The following ADGRE1 variants were observed in gnomAD, a reference collection of about 807,000 sequenced individuals.
ADGRE1 encodes the protein EGF-like module receptor 1.
Under a neutral mutation model 102.7 loss-of-function variants are expected in ADGRE1, and 82 were observed. The ratio of observed to expected loss-of-function variants is 0.80; its 90% CI spans 0.67 to 0.96. The LOEUF (loss-of-function observed/expected upper bound fraction) is 0.96. Ranked by LOEUF, ADGRE1 falls within the 40% of genes least tolerant of loss-of-function variation. The pLI is 0.00. For synonymous variants in ADGRE1, 398 were observed against 399.6 expected (o/e 1.00, Z 0.05); for missense variants, 1,032 against 1,085.3 (o/e 0.95, Z 0.69).
In ADGRE1 at chr19:6,890,943, C is replaced by A. The variant is rs534355588; in HGVS notation, c.94+400C>A. Reference sequence around the variant, plus strand: ...TCAATGTGCAAAAAAAAAGTGACTTCTTTATGTTTTGTTAAATACTCTCAT... The same window carrying A: ...TCAATGTGCAAAAAAAAAGTGACTTATTTATGTTTTGTTAAATACTCTCAT... On this transcript the variant is annotated intron_variant, in intron 2 of 20. Transcript: ENST00000312053. Among the ~76,000 whole-genome samples the A allele has an allele frequency of 6.6e-4, 100 of 152,222 alleles. 5 individuals are homozygous for A. The South Asian group carries it at 0.019, about 29-fold the overall frequency.
In ADGRE1 at chr19:6,925,647, C is replaced by T. The variant is rs147512858; in HGVS notation, c.1987-719C>T. 2.0e-3 allele frequency among the ~76,000 whole-genome samples: 306 copies of T among 152,202 alleles called. 2 individuals are homozygous for T. The highest frequency in any genetic ancestry group is 0.01 in the Admixed American group (158 of 15,272). On this transcript the variant is annotated intron_variant, in intron 15 of 20. Transcript: ENST00000312053. The stretch of plus-strand genomic sequence containing the variant: ...AATAATGTTACAGATGTCGATAATG[C>T]TACAGTTTAGAATCTCTACTTCCCT...
In ADGRE1 at chr19:6,937,624, C is replaced by T. The variant is rs1568367979; in HGVS notation, c.2631C>T (p.Ser877=). Residue 877 remains serine (S), a synonymous_variant, in exon 20 of 21, where the codon TCC becomes TCT. Coordinates refer to ENST00000312053, the MANE Select transcript of ADGRE1 (RefSeq NM_001974.5). ...CCCAGACCTCAAGGATCTTGCTGTC[C>T]TCCATGCCATCCGCTTCCAAGACGG... ...SQSQTSRILL[S]SMPSASKTG The T allele has an allele frequency of 2.5e-6, 4 of 1,613,990 alleles. No homozygotes were observed. Among genetic ancestry groups the T allele is most frequent in the Non-Finnish European group, 2.5e-6 (3 of 1,180,022 alleles).
chr19:6,913,475 C>G (rs1455159126), intron 10 of ADGRE1, among the ~76,000 whole-genome samples, 178 bp from the exon 11 acceptor site: 2 of 152,106 alleles, frequency 1.3e-5, no homozygotes, highest in African/African-American at 4.8e-5. Flanking sequence ...CCACTGCACC[C>G]GGCCTGAATT....
At position 6,898,528 on chromosome 19, in the gene ADGRE1, A is replaced by AT. The variant is rs1405305071; in HGVS notation, c.514+984dup. On this transcript the variant is annotated intron_variant, in intron 5 of 20. Transcript: ENST00000312053. ...ATCTATCAGTGGGGTGAGTTCATGT[A>AT]TTTCTGAACTGAGGCACCCAATTTC... 2.6e-6 allele frequency: 4 copies of AT among 1,548,890 alleles called. No homozygotes were observed. In the African/African-American group the frequency reaches 4.1e-5, roughly 16 times the overall value.
In ADGRE1 at chr19:6,906,486, C is replaced by A. The variant is rs759451107; in HGVS notation, c.1003C>A (p.Gln335Lys). The change falls in exon 9 of 21, where the codon CAA becomes AAA. Residue 335 changes from glutamine to lysine, a missense_variant. Transcript: ENST00000312053. ...DVIPDNKQIQQCQEGTAVKPA... is the reference protein window; with the variant it reads ...DVIPDNKQIQKCQEGTAVKPA... ...GATACCCGATAATAAGCAGATCCAG[C>A]AATGCCAAGAGGGAACCGCAGTGAA... 15 of 1,613,702 alleles carry A rather than the reference C, an allele frequency of 9.3e-6. No homozygotes were observed. The highest frequency in any genetic ancestry group is 6.7e-5 in the Admixed American group (4 of 59,994).
chr19:6,918,389 C>A (rs901710747), intron 12 of ADGRE1, among the ~76,000 whole-genome samples: 2 of 151,782 alleles, frequency 1.3e-5, no homozygotes, highest in Non-Finnish European at 2.9e-5. Context: ...TGCAGTGAGC[C>A]GAGAACCTGC....
Position 6,929,728 on chromosome 19 carries a change from C to A in ADGRE1, c.2289+1517C>A, listed in dbSNP as rs539467075. Among the ~76,000 whole-genome samples the A allele has an allele frequency of 2.3e-3, 349 of 152,226 alleles. 2 individuals carry two copies. The highest frequency in any genetic ancestry group is 8.0e-3 in the African/African-American group (333 of 41,548). On this transcript the variant is annotated intron_variant, in intron 17 of 20. Transcript: ENST00000312053. ...TAGAGATGGGTTTTCACCACGTTGGCCAAGCTGGTCTCAAACTCCTGACCT... is the reference window on the plus strand; with the variant it reads ...TAGAGATGGGTTTTCACCACGTTGGACAAGCTGGTCTCAAACTCCTGACCT...
chr19:6,929,193 G>C (rs1204769917), intron 17 of ADGRE1, among the ~76,000 whole-genome samples: 1 of 152,140 alleles, frequency 6.6e-6, no homozygotes, highest in Non-Finnish European at 1.5e-5. Flanking sequence ...CACACAAGGA[G>C]TGAGTTTAAG....
chr19:6,937,191 A>G, intron 18 of ADGRE1, 52 bp from the exon 19 acceptor site: 4 of 1,565,180 alleles, frequency 2.6e-6, no homozygotes, highest in Non-Finnish European at 3.5e-6. Context: ...TGTGGCCTGC[A>G]AGGACAATAG....
At position 6,906,456 on chromosome 19, in the gene ADGRE1, G is replaced by T; in HGVS notation, c.973G>T (p.Asp325Tyr). 6.2e-7 allele frequency: 1 copy of T among 1,613,830 alleles called. No homozygotes were observed. Among genetic ancestry groups the T allele is most frequent in the Non-Finnish European group, 8.5e-7 (1 of 1,179,762 alleles). The change falls in exon 9 of 21, where the codon GAT becomes TAT. Residue 325 changes from aspartate to tyrosine, a missense_variant. Transcript: ENST00000312053. ...CQRVLFKCKE[D>Y]VIPDNKQIQQ... ...AGGGGTTCTCTTCAAATGTAAGGAA[G>T]ATGTGATACCCGATAATAAGCAGAT...
chr19:6,911,182 C>T (rs1347961039), intron 10 of ADGRE1, among the ~76,000 whole-genome samples: 3 of 152,036 alleles, frequency 2.0e-5, no homozygotes, highest in Non-Finnish European at 4.4e-5. Flanking sequence ...CTCAGGGCTT[C>T]CTGTTTCTCT....
intron 1 of ADGRE1, among the ~76,000 whole-genome samples, chr19:6,889,316 G>T (rs1171326250): frequency 6.6e-6 from 1 of 151,866 alleles, no homozygotes; most frequent in Non-Finnish European, 1.5e-5. Context: ...GATGATGATG[G>T]TGATGATGAT....
At chr19:6,897,734 G>A in intron 5 of ADGRE1, 187 bp downstream of exon 5, 1 of 511,332 alleles carries the variant, frequency 2.0e-6, no homozygotes, top group Non-Finnish European at 3.0e-6. Flanking sequence ...GTCTTTACAT[G>A]CTAGGTAGGT....
chr19:6,887,973 G>A (rs949091296), intron 1 of ADGRE1, among the ~76,000 whole-genome samples: 1 of 152,210 alleles, frequency 6.6e-6, no homozygotes, highest in Non-Finnish European at 1.5e-5. Flanking sequence ...AGACAGGAAA[G>A]AAGGCACAGA....
intron 13 of ADGRE1, among the ~76,000 whole-genome samples, chr19:6,921,202 A>G (rs917248373): frequency 1.3e-5 from 2 of 152,168 alleles, no homozygotes; most frequent in African/African-American, 4.8e-5. Flanking sequence ...CAGGTGAATC[A>G]CTTGACATCA....
intron 13 of ADGRE1, 104 bp downstream of exon 13, chr19:6,919,851 T>A: frequency 8.8e-7 from 1 of 1,133,426 alleles, no homozygotes; most frequent in Non-Finnish European, 1.3e-6. Flanking sequence ...TTGAGGCCGG[T>A]AAGCTTCCAC....
At chr19:6,931,959 A>G (rs1296584349) in intron 17 of ADGRE1, among the ~76,000 whole-genome samples, 3 of 152,102 alleles carry the variant, frequency 2.0e-5, no homozygotes, top group Admixed American at 2.0e-4. Flanking sequence ...CGTTAAGAAA[A>G]TAAAAACAAA....
intron 12 of ADGRE1, among the ~76,000 whole-genome samples, chr19:6,917,458 G>A (rs144602370): frequency 3.3e-3 from 506 of 152,188 alleles, no homozygotes; most frequent in East Asian, 0.013. Flanking sequence ...ATTGAGGGTC[G>A]CTGGGCGTGG....
rs755366779 is a variant in ADGRE1, at chr19:6,921,722, A to G, written c.1630A>G (p.Lys544Glu). ...TTTTTGTTTTTTTTAGCCAAAGCAGAAGTTTGAGAGGCCCATCTGTGTTTC... is the reference window on the plus strand; with the variant it reads ...TTTTTGTTTTTTTTAGCCAAAGCAGGAGTTTGAGAGGCCCATCTGTGTTTC... ...YTLENIQPKQ[K>E]FERPICVSWS... The change falls in exon 14 of 21, where the codon AAG (lysine) becomes GAG (glutamate). Residue 544 changes from lysine (K) to glutamate (E), a missense_variant. Lys to Glu is a moderately conservative substitution (Grantham distance 56). Transcript: ENST00000312053. 14 of 1,595,396 alleles carry G rather than the reference A, an allele frequency of 8.8e-6. No individual in the cohort carries two copies. Among genetic ancestry groups the G allele is most frequent in the Admixed American group, 3.7e-5 (2 of 54,250 alleles).
Sources: gnomAD v4.1 joint callset for allele counts (sites outside exome capture counted in the v4.1 genomes callset) on GRCh38, gnomAD v4.1.1 for gene constraint, MANE v1.5 for transcripts, NCBI Gene and HGNC (gene_info 2026-07-23, HGNC 2026-07-21) for gene names.